IGF2BP2: variants seen among roughly 807,000 people sequenced by gnomAD.
IGF2BP2 encodes insulin-like growth factor 2 mRNA-binding protein 2.
A neutral mutation model predicts 75.8 loss-of-function variants in IGF2BP2; 17 were observed. The ratio of observed to expected loss-of-function variants is 0.22; its 90% CI spans 0.15 to 0.34. IGF2BP2 has a LOEUF of 0.34. Ranked by LOEUF, IGF2BP2 falls within the 10% of genes least tolerant of loss-of-function variation. The pLI, the probability that IGF2BP2 is intolerant of heterozygous loss-of-function variation, is 1.00. For missense variants in IGF2BP2, 516 were observed against 772.4 expected, an observed-to-expected ratio of 0.67 and a Z score of 3.93; for synonymous variants, 288 against 295.6, an observed-to-expected ratio of 0.97 and a Z score of 0.26.
At chr3:185,728,401 T>C (rs1317332263) in intron 2 of IGF2BP2, 2 of 152,234 alleles carry the variant, frequency 1.3e-5, no homozygotes, top group African/African-American at 4.8e-5. Flanking sequence ...TTCTAGGATA[T>C]GGGCTTTTTG....
At chr3:185,787,187 A>G (rs148174843) in intron 2 of IGF2BP2, among the ~76,000 whole-genome samples, 1 of 152,220 alleles carries the variant, frequency 6.6e-6, no homozygotes, top group African/African-American at 2.4e-5. Flanking sequence ...TTTACAAGAC[A>G]AAGACAGTTC....
At chr3:185,680,997 C>T (rs1303461775) in intron 7 of IGF2BP2, among the ~76,000 whole-genome samples, 1 of 152,192 alleles carries the variant, frequency 6.6e-6, no homozygotes, top group African/African-American at 2.4e-5. Flanking sequence ...CGATGAAAGA[C>T]TGAATGCAAG....
At chr3:185,719,661 C>G (rs1465476241) in intron 2 of IGF2BP2, among the ~76,000 whole-genome samples, 1 of 152,208 alleles carries the variant, frequency 6.6e-6, no homozygotes, top group Non-Finnish European at 1.5e-5. Flanking sequence ...TGGCGAAACC[C>G]TGTCTCTACT....
At chr3:185,793,637 A>T (rs557407854) in intron 2 of IGF2BP2, among the ~76,000 whole-genome samples, 1 of 152,326 alleles carries the variant, frequency 6.6e-6, no homozygotes, top group African/African-American at 2.4e-5. Context: ...TAGGTAAGAG[A>T]GACTCTTTTC....
intron 2 of IGF2BP2, among the ~76,000 whole-genome samples, chr3:185,810,353 A>G (rs1214750630): frequency 1.3e-5 from 2 of 152,212 alleles, no homozygotes; most frequent in African/African-American, 4.8e-5. Context: ...TCCTTAACTT[A>G]AATACAGAAA....
intron 2 of IGF2BP2, among the ~76,000 whole-genome samples, chr3:185,790,827 G>A (rs1168702962): frequency 6.6e-6 from 1 of 152,146 alleles, no homozygotes; most frequent in Non-Finnish European, 1.5e-5. Context: ...AATATCTCAA[G>A]TTACTATAAG....
intron 7 of IGF2BP2, among the ~76,000 whole-genome samples, chr3:185,684,795 G>A (rs1014036947): frequency 2.0e-5 from 3 of 151,700 alleles, no homozygotes; most frequent in African/African-American, 4.8e-5. Context: ...CCACTGGACT[G>A]CTCCATCAAA....
At chr3:185,665,245 A>G (rs867655402) in intron 10 of IGF2BP2, among the ~76,000 whole-genome samples, 51 of 116,582 alleles carry the variant, frequency 4.4e-4, no homozygotes, top group Admixed American at 8.5e-4. Flanking sequence ...GGAGAAGGAG[A>G]AGAAGGAGAA....
intron 2 of IGF2BP2, among the ~76,000 whole-genome samples, chr3:185,809,081 T>C (rs963301261): frequency 1.3e-5 from 2 of 152,116 alleles, no homozygotes; most frequent in East Asian, 1.9e-4. Context: ...AATAAGCGAA[T>C]AGCTAGTTGG....
chr3:185,768,414 T>C (rs1292948491), intron 2 of IGF2BP2, among the ~76,000 whole-genome samples: 3 of 152,198 alleles, frequency 2.0e-5, no homozygotes, highest in Non-Finnish European at 2.9e-5. Flanking sequence ...GGATAGATTT[T>C]TTTCTGTGGG....
intron 2 of IGF2BP2, among the ~76,000 whole-genome samples, chr3:185,772,728 T>G (rs1204953908): frequency 6.6e-6 from 1 of 152,012 alleles, no homozygotes; most frequent in African/African-American, 2.4e-5. Flanking sequence ...ACTACAGGCA[T>G]GCGCCACCAT....
At chr3:185,653,775 T>G (rs770754794) in intron 12 of IGF2BP2, among the ~76,000 whole-genome samples, 1 of 152,094 alleles carries the variant, frequency 6.6e-6, no homozygotes, top group Admixed American at 6.5e-5. Flanking sequence ...ACAAGAAACA[T>G]GGTCAATGAC....
At chr3:185,713,078 G>A (rs1172365279) in intron 2 of IGF2BP2, among the ~76,000 whole-genome samples, 2 of 135,614 alleles carry the variant, frequency 1.5e-5, no homozygotes, top group Non-Finnish European at 3.3e-5. Flanking sequence ...ATATGTATGT[G>A]TGTGTGTGTG....
chr3:185,662,259 C>T (rs1475121179), intron 10 of IGF2BP2, among the ~76,000 whole-genome samples: 1 of 152,020 alleles, frequency 6.6e-6, no homozygotes, highest in African/African-American at 2.4e-5. Context: ...AGGCAGATCG[C>T]TTGAGGTCAG....
intron 10 of IGF2BP2, among the ~76,000 whole-genome samples, chr3:185,669,662 T>C (rs2149198434): frequency 6.6e-6 from 1 of 151,968 alleles, no homozygotes; most frequent in African/African-American, 2.4e-5. Flanking sequence ...GAGCCAGTTA[T>C]AAGGAGGGAC....
chr3:185,692,485 C>T (rs1021482575), intron 5 of IGF2BP2, among the ~76,000 whole-genome samples: 7 of 152,172 alleles, frequency 4.6e-5, no homozygotes, highest in African/African-American at 1.7e-4. Flanking sequence ...TGGAGCTCCA[C>T]TGACATGTCA....
intron 2 of IGF2BP2, among the ~76,000 whole-genome samples, chr3:185,703,527 T>G (rs1723595631): frequency 6.6e-6 from 1 of 151,132 alleles, no homozygotes; most frequent in Non-Finnish European, 1.5e-5. Flanking sequence ...AAAAAAAAGT[T>G]GGGAGGCTGA....
intron 13 of IGF2BP2, among the ~76,000 whole-genome samples, chr3:185,649,867 C>T (rs546686287): frequency 6.1e-4 from 93 of 152,264 alleles, no homozygotes; most frequent in African/African-American, 2.2e-3. Flanking sequence ...CATATTATCA[C>T]CTATAAAGAT....
intron 2 of IGF2BP2, among the ~76,000 whole-genome samples, chr3:185,729,315 G>A (rs757636672): frequency 6.6e-6 from 1 of 152,222 alleles, no homozygotes; most frequent in Admixed American, 6.5e-5. Flanking sequence ...CAGACAGACA[G>A]TGATGACCAT....
Sources: allele counts gnomAD v4.1 joint callset (sites outside exome capture counted in the v4.1 genomes callset), GRCh38; gene constraint gnomAD v4.1.1; transcripts MANE v1.5; gene names NCBI Gene and HGNC (gene_info 2026-07-23, HGNC 2026-07-21).